NFIX: variants seen among roughly 807,000 people sequenced by gnomAD.
The protein encoded by NFIX is nuclear factor 1 X-type.
In NFIX, 2 loss-of-function variants were observed where a neutral mutation model predicts 53.3. The ratio of observed to expected loss-of-function variants is 0.04; its 90% CI spans 0.02 to 0.12. The LOEUF (loss-of-function observed/expected upper bound fraction) is 0.12. Ranked by LOEUF, NFIX falls within the 10% of genes least tolerant of loss-of-function variation. The pLI, the probability that NFIX is intolerant of heterozygous loss-of-function variation, is 1.00. For missense variants in NFIX, 310 were observed against 674.5 expected, an observed-to-expected ratio of 0.46 and a Z score of 5.99; for synonymous variants, 244 against 289.0, an observed-to-expected ratio of 0.84 and a Z score of 1.58.
intron 1 of NFIX, among the ~76,000 whole-genome samples, chr19:13,003,254 A>T (rs994412999): frequency 6.6e-6 from 1 of 151,902 alleles, no homozygotes; most frequent in East Asian, 1.9e-4. Context: ...TCTTGCCCTC[A>T]CTCACAGACA....
intron 7 of NFIX, among the ~76,000 whole-genome samples, chr19:13,079,446 C>CA (rs2017325579): frequency 6.6e-6 from 1 of 152,244 alleles, no homozygotes; most frequent in South Asian, 2.1e-4. Flanking sequence ...GCTGAGACCT[C>CA]AGCCCTGTCA....
rs762003052 is a variant in NFIX, at chr19:13,089,382, A to G, written c.1403-917A>G. On this transcript the variant is annotated intron_variant, in intron 9 of 10. Transcript: ENST00000592199. The surrounding 1 kb of genome is among the most constrained non-coding windows in gnomAD (Gnocchi z 4.8). ...GGGTGCAGGGCCTGTTCCCTCCAGC[A>G]GGGCTCCATCTGGACAACCTGAGAG... is the stretch of plus-strand genomic sequence containing the variant. Among the ~76,000 whole-genome samples the G allele has an allele frequency of 1.3e-5, 2 of 152,146 alleles. No homozygotes were observed. Among genetic ancestry groups the G allele is most frequent in the African/African-American group, 2.4e-5 (1 of 41,418 alleles).
chr19:13,073,766 C>G lies in NFIX; in HGVS notation c.698-140C>G, dbSNP rs1213054409. On this transcript the variant is annotated intron_variant, in intron 4 of 10. Coordinates refer to ENST00000592199, the MANE Select transcript of NFIX (RefSeq NM_001365902.3). The surrounding 1 kb of genome is among the most constrained non-coding windows in gnomAD (Gnocchi z 4.5). ...AGCTGGGAGGAGGTTCCTCAGCAGC[C>G]CAGATGGCCCACTTTCTCCCATCTC... 4 of 1,166,220 alleles carry G rather than the reference C, an allele frequency of 3.4e-6. No individual in the cohort carries two copies. Among genetic ancestry groups the G allele is most frequent in the Non-Finnish European group, 4.9e-6 (4 of 817,814 alleles). The allele number at this position is 1,166,220 out of a possible 1,614,324, so 72.2% of individuals were successfully genotyped here.
At chr19:13,079,937 T>C (rs569424901) in intron 7 of NFIX, among the ~76,000 whole-genome samples, 2 of 152,354 alleles carry the variant, frequency 1.3e-5, no homozygotes, top group South Asian at 4.1e-4. Flanking sequence ...GAACACCGCC[T>C]AGGTGGCGGT....
intron 1 of NFIX, among the ~76,000 whole-genome samples, chr19:13,016,855 C>T (rs886938681): frequency 9.2e-5 from 14 of 152,206 alleles, no homozygotes; most frequent in African/African-American, 3.4e-4. Flanking sequence ...TCTGCTCCTC[C>T]GGGCAGGTAC....
intron 2 of NFIX, among the ~76,000 whole-genome samples, chr19:13,046,281 G>T (rs2014975344): frequency 6.6e-6 from 1 of 152,152 alleles, no homozygotes; most frequent in African/African-American, 2.4e-5. Flanking sequence ...ATGGGTGTGG[G>T]AACGCAGCCC....
chr19:13,018,835 G>T (rs1472281715), intron 1 of NFIX, among the ~76,000 whole-genome samples: 1 of 152,342 alleles, frequency 6.6e-6, no homozygotes, highest in South Asian at 2.1e-4. Context: ...TTACGAAGCC[G>T]GCTTCTTTTG....
At chr19:13,024,908 C>T in intron 1 of NFIX, 113 bp from the exon 2 acceptor site, 2 of 1,438,242 alleles carry the variant, frequency 1.4e-6, no homozygotes, top group Non-Finnish European at 1.9e-6. Context: ...AGGCGGTTTT[C>T]CTTGTGCCCC....
rs2016532693 is a variant in NFIX, at chr19:13,068,038, G to A, written c.560-5009G>A. Among the ~76,000 whole-genome samples the A allele has an allele frequency of 6.6e-6, 1 of 151,972 alleles. No individual in the cohort carries two copies. ...GAGAATGGCGTGAACCCAGGAGGTGGGGCTTGCAGTGAGCCGAGATCGCAC... is the reference window on the plus strand; with the variant it reads ...GAGAATGGCGTGAACCCAGGAGGTGAGGCTTGCAGTGAGCCGAGATCGCAC... On this transcript the variant is annotated intron_variant, in intron 2 of 10. Transcript: ENST00000592199. This position sits in a 1 kb window ranked among gnomAD's most constrained non-coding sequence, Gnocchi z 4.2.
At position 13,036,312 on chromosome 19, in the gene NFIX, C is replaced by A. The variant is rs764342707; in HGVS notation, c.559+10760C>A. Among the ~76,000 whole-genome samples the A allele has an allele frequency of 6.6e-6, 1 of 152,206 alleles. No individual in the cohort carries two copies. Among genetic ancestry groups the A allele is most frequent in the Non-Finnish European group, 1.5e-5 (1 of 68,038 alleles). ...TCAGTCATGCTTCCAGGATTTATTT[C>A]ATCATAATTGTTTGTTTTGGGTTTA... On this transcript the variant is annotated intron_variant, in intron 2 of 10. Transcript: ENST00000592199. This position sits in a 1 kb window ranked among gnomAD's most constrained non-coding sequence, Gnocchi z 4.7.
In NFIX at chr19:12,995,610, G is replaced by A. The variant is rs2011433969; in HGVS notation, c.-228G>A. 7.0e-6 allele frequency: 1 copy of A among 143,100 alleles called. No homozygotes were observed. Among genetic ancestry groups the A allele is most frequent in the Non-Finnish European group, 1.5e-5 (1 of 64,658 alleles). 8.9% of individuals were successfully genotyped at this position (143,100 alleles called of 1,614,324 possible). A position where few individuals can be genotyped will look rare whatever the true frequency, so the allele number is the denominator to read the frequency against. On this transcript the variant is annotated 5_prime_UTR_variant, in exon 1 of 11. Coordinates refer to ENST00000592199, the MANE Select transcript of NFIX (RefSeq NM_001365902.3). ...GGCGGCGGACGCGAGAGGCAGCGGC[G>A]AGCGCGGCGGCGGCGGCGGCAGCGG...
In NFIX at chr19:13,005,589, G is replaced by C. The variant is rs117827628; in HGVS notation, c.27+9725G>C. Among the ~76,000 whole-genome samples, 633 of 152,290 alleles carry C rather than the reference G, an allele frequency of 4.2e-3. 1 individual carries two copies. Among genetic ancestry groups the C allele is most frequent in the Non-Finnish European group, 6.7e-3 (453 of 68,030 alleles). ...ATGTGAAAACCTGCTTTGATTTTATGGATGAAAAACCAAGACTCAGTAGAG... is the reference window on the plus strand; with the variant it reads ...ATGTGAAAACCTGCTTTGATTTTATCGATGAAAAACCAAGACTCAGTAGAG... On this transcript the variant is annotated intron_variant, in intron 1 of 10. Coordinates refer to ENST00000592199, the MANE Select transcript of NFIX (RefSeq NM_001365902.3). This position sits in a 1 kb window ranked among gnomAD's most constrained non-coding sequence, Gnocchi z 4.7.
Position 13,002,183 on chromosome 19 carries a change from C to G in NFIX, c.27+6319C>G, listed in dbSNP as rs2011742574. On this transcript the variant is annotated intron_variant, in intron 1 of 10. Transcript: ENST00000592199. The surrounding 1 kb of genome is among the most constrained non-coding windows in gnomAD (Gnocchi z 6.1). ...CGCGGATTTGGAAACTGAGGTCCCC[C>G]CTTCTTTCCCCCTTTCTCTCTCTCT... is the stretch of plus-strand genomic sequence containing the variant. Among the ~76,000 whole-genome samples, 1 of 150,728 alleles carries G rather than the reference C, an allele frequency of 6.6e-6. No individual in the cohort carries two copies. Among genetic ancestry groups the G allele is most frequent in the South Asian group, 2.1e-4 (1 of 4,742 alleles).
At position 13,000,921 on chromosome 19, in the gene NFIX, G is replaced by A. The variant is rs371295557; in HGVS notation, c.27+5057G>A. Reference sequence around the variant, plus strand: ...CCCCGTGGTTGGTGTGTTGACTGCCGTCCTCCCCATCTAACCCACAGGGAG... The same window carrying A: ...CCCCGTGGTTGGTGTGTTGACTGCCATCCTCCCCATCTAACCCACAGGGAG... On this transcript the variant is annotated intron_variant, in intron 1 of 10. Coordinates refer to ENST00000592199, the MANE Select transcript of NFIX (RefSeq NM_001365902.3). Among the ~76,000 whole-genome samples the A allele has an allele frequency of 3.3e-5, 5 of 152,150 alleles. No homozygotes were observed. In the East Asian group the frequency reaches 5.8e-4, roughly 18 times the overall value.
At chr19:13,035,194 T>C (rs2014095922) in intron 2 of NFIX, among the ~76,000 whole-genome samples, 1 of 152,250 alleles carries the variant, frequency 6.6e-6, no homozygotes, top group Non-Finnish European at 1.5e-5. Flanking sequence ...GTTTAGGTCC[T>C]CATTTACCTT....
At chr19:13,058,954 C>A (rs562785715) in intron 2 of NFIX, among the ~76,000 whole-genome samples, 9 of 152,118 alleles carry the variant, frequency 5.9e-5, no homozygotes, top group Non-Finnish European at 1.2e-4. Flanking sequence ...TAGGTCCCCA[C>A]TCTTCCCCGG....
intron 10 of NFIX, among the ~76,000 whole-genome samples, chr19:13,092,925 G>A (rs11668422): frequency 1.3e-5 from 2 of 152,238 alleles, no homozygotes; most frequent in Admixed American, 1.3e-4. Flanking sequence ...GCAGGTGCTC[G>A]AGGAGCCCCA....
Position 13,006,698 on chromosome 19 carries a change from G to T in NFIX, c.27+10834G>T, listed in dbSNP as rs2012033822. ...GTCTTGGGGATCTGCCCACAGCTTG[G>T]GGGTATCAGGCTTTGTCTGTTGGGT... On this transcript the variant is annotated intron_variant, in intron 1 of 10. Transcript: ENST00000592199. This position sits in a 1 kb window ranked among gnomAD's most constrained non-coding sequence, Gnocchi z 5.6. 6.6e-6 allele frequency among the ~76,000 whole-genome samples: 1 copy of T among 152,178 alleles called. No homozygotes were observed. Among genetic ancestry groups the T allele is most frequent in the African/African-American group, 2.4e-5 (1 of 41,434 alleles).
In NFIX at chr19:13,028,874, A is replaced by G. The variant is rs914896209; in HGVS notation, c.559+3322A>G. ...GCTAGACTATCTCCAAAGTTTCTGCAGCACCCTGAAGGTGAACCAGTGCCT... is the reference window on the plus strand; with the variant it reads ...GCTAGACTATCTCCAAAGTTTCTGCGGCACCCTGAAGGTGAACCAGTGCCT... On this transcript the variant is annotated intron_variant, in intron 2 of 10. Transcript: ENST00000592199. This position sits in a 1 kb window ranked among gnomAD's most constrained non-coding sequence, Gnocchi z 4.2. Among the ~76,000 whole-genome samples, 1 of 152,158 alleles carries G rather than the reference A, an allele frequency of 6.6e-6. No homozygotes were observed. Among genetic ancestry groups the G allele is most frequent in the African/African-American group, 2.4e-5 (1 of 41,422 alleles).
Sources: allele counts gnomAD v4.1 joint callset (sites outside exome capture counted in the v4.1 genomes callset), GRCh38; gene constraint gnomAD v4.1.1; non-coding constraint Gnocchi (gnomAD v3.1); transcripts MANE v1.5; gene names NCBI Gene and HGNC (gene_info 2026-07-23, HGNC 2026-07-21).